PIWIL3: variants seen among roughly 807,000 people sequenced by gnomAD.
PIWIL3 encodes the protein piwi like RNA-mediated gene silencing 3, also known as piwi-like protein 3.
PIWIL3 carries 101 observed loss-of-function variants against 109.7 expected under a neutral mutation model. The observed-to-expected ratio is 0.92, with a 90% CI of 0.78 to 1.09. The LOEUF (loss-of-function observed/expected upper bound fraction) is 1.09. Among genes scored for constraint, PIWIL3 ranks in the 50% least tolerant of loss-of-function variants. The pLI, the probability that PIWIL3 is intolerant of heterozygous loss-of-function variation, is 0.00. For missense variants in PIWIL3, 1,031 were observed against 1,072.6 expected (o/e 0.96, Z 0.54); for synonymous variants, 373 against 376.4 (o/e 0.99, Z 0.10).
chr22:24,743,228 A>G (rs1272975889), intron 12 of PIWIL3, among the ~76,000 whole-genome samples: 1 of 152,230 alleles, frequency 6.6e-6, no homozygotes, highest in Non-Finnish European at 1.5e-5. Flanking sequence ...GCAAGAAGGG[A>G]ACACTTTTAT....
chr22:24,766,962 T>TA (rs11305328), intron 1 of PIWIL3, among the ~76,000 whole-genome samples: 228 of 143,368 alleles, frequency 1.6e-3, no homozygotes, highest in African/African-American at 4.6e-3. Context: ...ACACCGTCTC[T>TA]AAAAAAAAAA....
At position 24,735,829 on chromosome 22, in the gene PIWIL3, T is replaced by C. The variant is rs778208774; in HGVS notation, c.1513A>G (p.Met505Val). The change falls in exon 13 of 21, where the codon ATG (methionine) becomes GTG (valine). Residue 505 changes from methionine to valine, a missense_variant. Physicochemically the swap from Met to Val is conservative, Grantham distance 21. Transcript: ENST00000616349. ...EIRELPLLNA[M>V]PLHSWLILYS... ...AGTATGAGCCAACTATGTAGTGGCA[T>C]TGCATTAAGTAAGGGTAATTCTCTT... 1.2e-6 allele frequency: 2 copies of C among 1,613,396 alleles called. No homozygotes were observed. Among genetic ancestry groups the C allele is most frequent in the Non-Finnish European group, 1.7e-6 (2 of 1,179,610 alleles).
At chr22:24,737,888 C>T (rs756171803) in intron 12 of PIWIL3, among the ~76,000 whole-genome samples, 9 of 152,032 alleles carry the variant, frequency 5.9e-5, no homozygotes, top group Admixed American at 1.3e-4. Flanking sequence ...GGGCCGGGCG[C>T]GGTGGCTCAC....
Position 24,754,236 on chromosome 22 carries a change from G to C in PIWIL3, c.774-19C>G. 1 of 1,594,278 alleles carries C rather than the reference G, an allele frequency of 6.3e-7. No individual in the cohort carries two copies. Among genetic ancestry groups the C allele is most frequent in the Non-Finnish European group, 8.6e-7 (1 of 1,162,628 alleles). Reference sequence around the variant, plus strand: ...ACTGGTACTAGAATAAATTACATGAGAGTATTAGTCCGATCTCTTCACATA... The same window carrying C: ...ACTGGTACTAGAATAAATTACATGACAGTATTAGTCCGATCTCTTCACATA... On this transcript the variant is annotated intron_variant, in intron 7 of 20. Coordinates refer to ENST00000616349, the MANE Select transcript of PIWIL3 (RefSeq NM_001255975.1).
chr22:24,744,181 A>T (rs58800706), intron 12 of PIWIL3, among the ~76,000 whole-genome samples: 2,039 of 70,306 alleles, frequency 0.029, 79 homozygotes, highest in African/African-American at 0.079. Context: ...ACCGAATTAA[A>T]AAAAAAAAAA....
At chr22:24,750,484 TTTTTTTC>T (rs1417796405) in intron 9 of PIWIL3, among the ~76,000 whole-genome samples, 5 of 123,152 alleles carry the variant, frequency 4.1e-5, no homozygotes, top group African/African-American at 8.8e-5. Flanking sequence ...CACATTTGAT[TTTTTTTC>T]TTTTTTTTTT....
At chr22:24,764,463 C>A (rs138165129) in intron 1 of PIWIL3, among the ~76,000 whole-genome samples, 134 of 152,324 alleles carry the variant, frequency 8.8e-4, no homozygotes, top group African/African-American at 3.1e-3. Flanking sequence ...AACCTAGAAG[C>A]ACCCTTACTC....
At chr22:24,763,139 CTTT>C (rs1356397807) in intron 1 of PIWIL3, among the ~76,000 whole-genome samples, 3 of 128,478 alleles carry the variant, frequency 2.3e-5, no homozygotes, top group Non-Finnish European at 5.0e-5. Flanking sequence ...CCTGGTAAAA[CTTT>C]TTTTTCTTTT....
chr22:24,730,228 G>C (rs776186901), intron 14 of PIWIL3, among the ~76,000 whole-genome samples: 16 of 151,894 alleles, frequency 1.1e-4, no homozygotes, highest in Non-Finnish European at 2.9e-5. Context: ...ATCCAGGCAT[G>C]GTGGCGGGCA....
At chr22:24,737,887 G>A (rs183613064) in intron 12 of PIWIL3, among the ~76,000 whole-genome samples, 10 of 152,194 alleles carry the variant, frequency 6.6e-5, no homozygotes, top group African/African-American at 1.9e-4. Flanking sequence ...GGGGCCGGGC[G>A]CGGTGGCTCA....
intron 5 of PIWIL3, 118 bp from the exon 6 acceptor site, chr22:24,756,023 T>C (rs1366611394): frequency 9.1e-7 from 1 of 1,095,504 alleles, no homozygotes; most frequent in Non-Finnish European, 1.3e-6. Flanking sequence ...GATGGAGCAG[T>C]CTTTCCCACA....
chr22:24,759,741 C>T, intron 3 of PIWIL3, 128 bp downstream of exon 3: 1 of 1,349,812 alleles, frequency 7.4e-7, no homozygotes, highest in Non-Finnish European at 1.0e-6. Context: ...CAGTTGCAAG[C>T]TGCACACACT....
intron 5 of PIWIL3, 38 bp from the exon 6 acceptor site, chr22:24,755,943 T>G (rs978981145): frequency 1.3e-6 from 2 of 1,594,864 alleles, no homozygotes; most frequent in Admixed American, 1.8e-5. Context: ...AGTCCAGATA[T>G]TCTTCCAAAA....
intron 1 of PIWIL3, among the ~76,000 whole-genome samples, chr22:24,766,229 A>T (rs1461584054): frequency 6.6e-6 from 1 of 151,772 alleles, no homozygotes; most frequent in Non-Finnish European, 1.5e-5. Flanking sequence ...TCAAGCGATC[A>T]TCCCATCTCA....
chr22:24,769,993 CA>C (rs906593829), intron 1 of PIWIL3, among the ~76,000 whole-genome samples: 4 of 151,540 alleles, frequency 2.6e-5, no homozygotes, highest in African/African-American at 7.3e-5. Flanking sequence ...AGGATAATGA[CA>C]AAAAAAAGTG....
chr22:24,749,887 A>C (rs1924602830), intron 9 of PIWIL3, 68 bp from the exon 10 acceptor site: 1 of 1,610,032 alleles, frequency 6.2e-7, no homozygotes. Context: ...ACAGAGGTTC[A>C]AAAGTGCATG....
At position 24,737,714 on chromosome 22, in the gene PIWIL3, G is replaced by A. The variant is rs192508877; in HGVS notation, c.1450-1822C>T. On this transcript the variant is annotated intron_variant, in intron 12 of 20. Transcript: ENST00000616349. ...CCTGCCTGGGGCCAAAGTGGAGCAC[G>A]CTGCCCTGAAGGGTAAGTCCTAGGC... 9.6e-3 allele frequency among the ~76,000 whole-genome samples: 1,463 copies of A among 152,230 alleles called. 72 individuals carry two copies. The highest frequency in any genetic ancestry group is 0.078 in the Admixed American group (1,197 of 15,286).
intron 1 of PIWIL3, among the ~76,000 whole-genome samples, chr22:24,769,234 T>G (rs909226213): frequency 3.3e-5 from 5 of 152,240 alleles, no homozygotes; most frequent in Admixed American, 6.5e-5. Context: ...AAGTAGTTGT[T>G]ATGTTGTGTT....
At chr22:24,728,554 T>G (rs887190144) in intron 14 of PIWIL3, among the ~76,000 whole-genome samples, 180 bp from the exon 15 acceptor site, 1 of 152,202 alleles carries the variant, frequency 6.6e-6, no homozygotes. Flanking sequence ...ATAACATAAT[T>G]ATATCAACTT....
Sources: gnomAD v4.1 joint callset for allele counts (sites outside exome capture counted in the v4.1 genomes callset) on GRCh38, gnomAD v4.1.1 for gene constraint, MANE v1.5 for transcripts, NCBI Gene and HGNC (gene_info 2026-07-23, HGNC 2026-07-21) for gene names.